The following SLC4A4 variants were observed in gnomAD, a reference collection of about 807,000 sequenced individuals.
SLC4A4 encodes the protein electrogenic sodium bicarbonate cotransporter 1.
SLC4A4 carries 27 observed loss-of-function variants against 111.5 expected under a neutral mutation model. The observed-to-expected ratio is 0.24, with a 90% CI of 0.18 to 0.33. The LOEUF is 0.33. Among genes scored for constraint, SLC4A4 ranks in the 10% least tolerant of loss-of-function variants. The pLI, the probability that SLC4A4 is intolerant of heterozygous loss-of-function variation, is 1.00. For missense variants in SLC4A4, 909 were observed against 1,315.5 expected (o/e 0.69, Z 4.78); for synonymous variants, 443 against 463.4 (o/e 0.96, Z 0.57).
At chr4:71,358,788 A>G (rs887828920) in intron 6 of SLC4A4, among the ~76,000 whole-genome samples, 2 of 152,138 alleles carry the variant, frequency 1.3e-5, no homozygotes, top group Non-Finnish European at 2.9e-5. Context: ...GTAGTTTATT[A>G]TAACTGATGT....
At chr4:71,221,764 C>T (rs1372015011) in intron 1 of SLC4A4, among the ~76,000 whole-genome samples, 1 of 152,170 alleles carries the variant, frequency 6.6e-6, no homozygotes, top group East Asian at 1.9e-4. Context: ...GCAGATTGGC[C>T]TTTGTCATGA....
At chr4:71,070,720 T>C (rs1741639260) in intron 1 of SLC4A4, among the ~76,000 whole-genome samples, 1 of 152,174 alleles carries the variant, frequency 6.6e-6, no homozygotes, top group African/African-American at 2.4e-5. Flanking sequence ...CTGAAATGCT[T>C]CCACAAGCAC....
At chr4:71,440,283 T>C (rs1560510379) in intron 7 of SLC4A4, among the ~76,000 whole-genome samples, 3 of 152,188 alleles carry the variant, frequency 2.0e-5, no homozygotes, top group African/African-American at 4.8e-5. Context: ...TAGTATTGCC[T>C]GGCTTATAGT....
intron 1 of SLC4A4, among the ~76,000 whole-genome samples, chr4:71,232,019 G>C (rs1315247397): frequency 6.6e-6 from 1 of 152,148 alleles, no homozygotes; most frequent in Admixed American, 6.5e-5. Context: ...CAGAAGCCTA[G>C]GTGCACCAGG....
intron 3 of SLC4A4, chr4:71,339,107 G>A (rs896570800): frequency 1.9e-6 from 3 of 1,603,494 alleles, no homozygotes; most frequent in African/African-American, 2.7e-5. Flanking sequence ...AAGGTTCTTT[G>A]TGACACATCA....
chr4:71,425,063 C>T (rs1046099224), intron 7 of SLC4A4, among the ~76,000 whole-genome samples: 3 of 151,878 alleles, frequency 2.0e-5, no homozygotes, highest in Non-Finnish European at 2.9e-5. Flanking sequence ...CCTTTTTCTT[C>T]TTCTACCATT....
intron 2 of SLC4A4, among the ~76,000 whole-genome samples, chr4:71,137,589 TGC>T (rs1743880127): frequency 6.6e-6 from 1 of 152,240 alleles, no homozygotes. Flanking sequence ...TTCCTAGTTC[TGC>T]CACAACTTCA....
rs1194797136 is a variant in SLC4A4 at position 71,255,263 on chromosome 4, CAGG to C, written c.120_122del (p.Arg44del). On this transcript the variant is annotated inframe_deletion, in exon 3 of 26. Transcript: ENST00000264485. ...TCGGAGTCCATGTGCCGAAGAGTTA[CAGG>C]AGAAGGAGACGTCACAAGAGAAAGA... is the stretch of plus-strand genomic sequence containing the variant. The C allele has an allele frequency of 3.7e-6, 6 of 1,613,388 alleles. 1 individual carries two copies. The Middle Eastern group carries it at 6.6e-4, about 178-fold the overall frequency.
chr4:71,173,367 CTTT>C (rs1444054186), intron 2 of SLC4A4, among the ~76,000 whole-genome samples: 1 of 152,046 alleles, frequency 6.6e-6, no homozygotes, highest in Non-Finnish European at 1.5e-5. Context: ...CAACAATTAT[CTTT>C]TATTATTAAT....
intron 1 of SLC4A4, among the ~76,000 whole-genome samples, chr4:71,215,581 G>A (rs909314440): frequency 1.3e-5 from 2 of 152,202 alleles, no homozygotes; most frequent in Admixed American, 6.5e-5. Context: ...TCAGTAAGGA[G>A]AGCATGGGTT....
chr4:71,358,326 AAAAG>A (rs917757295), intron 6 of SLC4A4, among the ~76,000 whole-genome samples: 12 of 152,004 alleles, frequency 7.9e-5, no homozygotes, highest in Non-Finnish European at 1.6e-4. Context: ...AAAAAAAAAA[AAAAG>A]AGAGAGAGAG....
At chr4:71,394,409 A>G (rs1578999324) in intron 6 of SLC4A4, among the ~76,000 whole-genome samples, 2 of 152,172 alleles carry the variant, frequency 1.3e-5, no homozygotes, top group African/African-American at 4.8e-5. Flanking sequence ...AATGCCCAAC[A>G]TCAGGAATGA....
chr4:71,156,588 G>GCGCGCGCGCACACA (rs376043069), intron 2 of SLC4A4, among the ~76,000 whole-genome samples: 10 of 138,568 alleles, frequency 7.2e-5, no homozygotes, highest in South Asian at 2.7e-4. Context: ...GCGCGCGCGC[G>GCGCGCGCGCACACA]CACACACACA....
At chr4:71,396,637 T>C (rs985950101) in intron 6 of SLC4A4, among the ~76,000 whole-genome samples, 1 of 151,304 alleles carries the variant, frequency 6.6e-6, no homozygotes, top group Non-Finnish European at 1.5e-5. Flanking sequence ...AAAAGTTAGG[T>C]TTTTTTTTGC....
At chr4:71,212,525 C>CA (rs1452720954) in intron 1 of SLC4A4, among the ~76,000 whole-genome samples, 6 of 152,150 alleles carry the variant, frequency 3.9e-5, no homozygotes, top group Non-Finnish European at 7.3e-5. Flanking sequence ...ACCAGATGGT[C>CA]ACTAAGACCA....
chr4:71,357,318 T>G, intron 6 of SLC4A4, 131 bp downstream of exon 6: 1 of 880,878 alleles, frequency 1.1e-6, no homozygotes, highest in Non-Finnish European at 1.8e-6. Flanking sequence ...CATAGTCATT[T>G]CATATTGACA....
At chr4:71,149,194 C>T (rs1744254104) in intron 2 of SLC4A4, among the ~76,000 whole-genome samples, 1 of 152,030 alleles carries the variant, frequency 6.6e-6, no homozygotes, top group Non-Finnish European at 1.5e-5. Context: ...ATTAGAATGG[C>T]ATGATTCTCT....
chr4:71,327,538 A>G (rs574609030), intron 3 of SLC4A4, among the ~76,000 whole-genome samples: 1 of 152,172 alleles, frequency 6.6e-6, no homozygotes, highest in Admixed American at 6.5e-5. Flanking sequence ...TAACTATTTC[A>G]TAGACTTGTG....
At chr4:71,227,163 T>C (rs1719102407) in intron 1 of SLC4A4, among the ~76,000 whole-genome samples, 1 of 152,064 alleles carries the variant, frequency 6.6e-6, no homozygotes, top group Admixed American at 6.5e-5. Context: ...TAGAGAGGCT[T>C]CTGGAGAGGT....
Sources: gnomAD v4.1 joint callset for allele counts (sites outside exome capture counted in the v4.1 genomes callset) on GRCh38, gnomAD v4.1.1 for gene constraint, MANE v1.5 for transcripts, NCBI Gene and HGNC (gene_info 2026-07-23, HGNC 2026-07-21) for gene names.